The following FABP7 variants were observed in gnomAD, a reference collection of about 807,000 sequenced individuals.
FABP7 encodes fatty acid-binding protein, brain.
In FABP7, 13 loss-of-function variants were observed where a neutral mutation model predicts 14.2. The observed-to-expected ratio is 0.91, with a 90% CI of 0.59 to 1.45. The LOEUF (loss-of-function observed/expected upper bound fraction) is 1.45. Among genes scored for constraint, FABP7 ranks in the 40% most tolerant of loss-of-function variants. The pLI, the probability that FABP7 is intolerant of heterozygous loss-of-function variation, is 0.00. For missense variants in FABP7, 149 were observed against 157.6 expected, an observed-to-expected ratio of 0.95 and a Z score of 0.29; for synonymous variants, 49 against 51.4, an observed-to-expected ratio of 0.95 and a Z score of 0.20.
chr6:122,775,268 A>G (rs1227662919), upstream of FABP7, among the ~76,000 whole-genome samples: 1 of 152,122 alleles, frequency 6.6e-6, no homozygotes, highest in Non-Finnish European at 1.5e-5. Flanking sequence ...AAAGATACTA[A>G]AAAGCTATAG....
the FABP7 span, among the ~76,000 whole-genome samples, chr6:122,774,381 AAAAAAGACAG>A: frequency 8.3e-5 from 4 of 48,280 alleles, 1 homozygote; most frequent in African/African-American, 1.8e-4. Context: ...AAAAAAAAAA[AAAAAAGACAG>A]AGAGAGAGAG....
the FABP7 span, among the ~76,000 whole-genome samples, chr6:122,756,237 TC>T: frequency 6.6e-6 from 1 of 152,084 alleles, no homozygotes; most frequent in East Asian, 1.9e-4. Flanking sequence ...GGCTCATTCT[TC>T]CCCCAAGCTT....
At chr6:122,771,023 C>A in the FABP7 span, among the ~76,000 whole-genome samples, 1 of 152,310 alleles carries the variant, frequency 6.6e-6, no homozygotes, top group Admixed American at 6.5e-5. Flanking sequence ...AGAATGCACA[C>A]AAGTCATACA....
chr6:122,749,212 T>C, the FABP7 span, among the ~76,000 whole-genome samples: 1 of 152,174 alleles, frequency 6.6e-6, no homozygotes, highest in East Asian at 1.9e-4. Context: ...CTTCTTTCTT[T>C]GGAGGCAAAA....
intron 3 of FABP7, chr6:122,782,433 T>G: frequency 1.3e-6 from 1 of 760,232 alleles, no homozygotes; most frequent in Non-Finnish European, 1.6e-6. Context: ...CTGATCCATT[T>G]CTGACTCCAT....
the FABP7 span, among the ~76,000 whole-genome samples, chr6:122,756,943 T>C: frequency 6.6e-6 from 1 of 152,208 alleles, no homozygotes; most frequent in Non-Finnish European, 1.5e-5. Flanking sequence ...TCTTCCTGTT[T>C]TATGAAAGCT....
the FABP7 span, among the ~76,000 whole-genome samples, chr6:122,759,335 A>T: frequency 6.6e-6 from 1 of 152,212 alleles, no homozygotes; most frequent in African/African-American, 2.4e-5. Flanking sequence ...TCATTGCTCA[A>T]GCTAAAAATC....
chr6:122,767,755 G>GAAAAAAAAAAAAAAAAAAAAA, the FABP7 span, among the ~76,000 whole-genome samples: 1 of 116,352 alleles, frequency 8.6e-6, no homozygotes. Flanking sequence ...CCACTAAAAG[G>GAAAAAAAAAAAAAAAAAAAAA]AAAAAAAAAA....
At position 122,779,734 on chromosome 6, in the gene FABP7, T is replaced by G; in HGVS notation, c.-61T>G. The G allele has an allele frequency of 6.6e-7, 1 of 1,525,794 alleles. No homozygotes were observed. Among genetic ancestry groups the G allele is most frequent in the Admixed American group, 1.7e-5 (1 of 59,118 alleles). 94.5% of individuals were successfully genotyped at this position (1,525,794 alleles called of 1,614,324 possible). On this transcript the variant is annotated 5_prime_UTR_variant, in exon 1 of 4. Coordinates refer to ENST00000368444, the MANE Select transcript of FABP7 (RefSeq NM_001446.5). ...CTGAGGTGTAAAGGGTCTTCTGAGC[T>G]GCAGTGGCAATTAGACCAGAAGATC...
chr6:122,771,177 T>C, the FABP7 span, among the ~76,000 whole-genome samples: 3 of 152,160 alleles, frequency 2.0e-5, no homozygotes, highest in South Asian at 6.2e-4. Context: ...TTCCCAATTA[T>C]GTAGAGATAA....
At chr6:122,773,006 T>C in the FABP7 span, among the ~76,000 whole-genome samples, 2 of 152,112 alleles carry the variant, frequency 1.3e-5, no homozygotes, top group South Asian at 4.1e-4. Flanking sequence ...GTTTGTCTGA[T>C]CTTCCTGAGG....
At chr6:122,750,386 A>T in the FABP7 span, among the ~76,000 whole-genome samples, 4 of 152,302 alleles carry the variant, frequency 2.6e-5, no homozygotes, top group South Asian at 2.1e-4. Context: ...ATTTTGCTAA[A>T]ATGAAAGCAA....
At chr6:122,782,581 T>G (rs1349030011) in intron 3 of FABP7, 2 of 985,282 alleles carry the variant, frequency 2.0e-6, no homozygotes, top group Non-Finnish European at 2.4e-6. Context: ...CTCAGACACT[T>G]TTTGTGTGAC....
At chr6:122,760,122 T>A in the FABP7 span, among the ~76,000 whole-genome samples, 12 of 152,088 alleles carry the variant, frequency 7.9e-5, no homozygotes, top group African/African-American at 2.9e-4. Flanking sequence ...AGATATAATT[T>A]ACATACCATA....
At chr6:122,777,530 A>G (rs1051536707), upstream of FABP7, among the ~76,000 whole-genome samples, 7 of 152,170 alleles carry the variant, frequency 4.6e-5, no homozygotes, top group Non-Finnish European at 2.9e-5. Flanking sequence ...AACTGACAAA[A>G]CAGACTCTTT....
At chr6:122,773,789 T>A in the FABP7 span, among the ~76,000 whole-genome samples, 1 of 152,282 alleles carries the variant, frequency 6.6e-6, no homozygotes, top group South Asian at 2.1e-4. Context: ...AAGGAAAAAT[T>A]GTTGTAAAGC....
the FABP7 span, among the ~76,000 whole-genome samples, chr6:122,758,783 T>G: frequency 6.6e-5 from 10 of 152,210 alleles, no homozygotes; most frequent in Non-Finnish European, 1.5e-4. Flanking sequence ...TTTTATATGT[T>G]TTATAATGTT....
the FABP7 span, among the ~76,000 whole-genome samples, chr6:122,755,459 AT>A: frequency 0.042 from 5,527 of 131,838 alleles, 168 homozygotes; most frequent in African/African-American, 0.13. Flanking sequence ...TATGTTTTGT[AT>A]TTTTTTTTTT....
the FABP7 span, among the ~76,000 whole-genome samples, chr6:122,768,739 C>A: frequency 6.6e-6 from 1 of 151,848 alleles, no homozygotes; most frequent in Non-Finnish European, 1.5e-5. Flanking sequence ...AACTTTGTGC[C>A]CCCAGATAAT....
Sources: allele counts gnomAD v4.1 joint callset (sites outside exome capture counted in the v4.1 genomes callset), GRCh38; gene constraint gnomAD v4.1.1; transcripts MANE v1.5; gene names NCBI Gene and HGNC (gene_info 2026-07-23, HGNC 2026-07-21).